PRDM16: variants seen among roughly 807,000 people sequenced by gnomAD.
PRDM16 encodes histone-lysine N-methyltransferase PRDM16.
PRDM16 carries 23 observed loss-of-function variants against 110.6 expected under a neutral mutation model. The observed-to-expected ratio is 0.21, with a 90% CI of 0.15 to 0.29. The LOEUF (loss-of-function observed/expected upper bound fraction) is 0.29. Among genes scored for constraint, PRDM16 ranks in the 10% least tolerant of loss-of-function variants. The probability of loss-of-function intolerance (pLI) is 1.00; values close to 1 mark genes in which losing one functional copy is unlikely to be tolerated. For synonymous variants in PRDM16, 799 were observed against 781.8 expected, an observed-to-expected ratio of 1.02 and a Z score of -0.37; for missense variants, 1,615 against 1,794.3, an observed-to-expected ratio of 0.90 and a Z score of 1.81.
At chr1:3,254,579 C>T (rs148271114) in intron 3 of PRDM16, among the ~76,000 whole-genome samples, 1,798 of 152,192 alleles carry the variant, frequency 0.012, 15 homozygotes, top group Middle Eastern at 0.031. Context: ...GAATAAAGTA[C>T]CTAGGAATCC....
chr1:3,154,716 C>T (rs1240718381), intron 1 of PRDM16, among the ~76,000 whole-genome samples: 1 of 152,114 alleles, frequency 6.6e-6, no homozygotes, highest in Non-Finnish European at 1.5e-5. Flanking sequence ...GGCATGGAGC[C>T]CTGGTTGAGA....
rs765866896 is a variant in PRDM16, at chr1:3,412,623, G to C, written c.2426G>C (p.Ser809Thr). ...EEQPLDLSIG[S>T]RARASQNGGG... is the part of the protein sequence containing the mutation. ...CAGCCGCTGGACCTGAGCATCGGCA[G>C]CCGGGCCCGTGCCAGCCAAAACGGC... Residue 809 changes from serine to threonine, a missense_variant, in exon 9 of 17, where the codon AGC becomes ACC. Transcript: ENST00000270722. The C allele has an allele frequency of 1.2e-4, 197 of 1,586,800 alleles. No individual in the cohort carries two copies. The highest frequency in any genetic ancestry group is 2.8e-4 in the Admixed American group (16 of 57,894).
At chr1:3,394,275 G>T (rs945091528) in intron 4 of PRDM16, among the ~76,000 whole-genome samples, 2 of 152,072 alleles carry the variant, frequency 1.3e-5, no homozygotes, top group Admixed American at 1.3e-4. Flanking sequence ...GTGGCCTGCA[G>T]AGAGGGGATG....
intron 10 of PRDM16, among the ~76,000 whole-genome samples, chr1:3,416,051 C>T (rs1031211281): frequency 3.9e-5 from 6 of 152,146 alleles, no homozygotes; most frequent in East Asian, 1.9e-4. Context: ...CTCGCAGGGG[C>T]GGGAGAAGCC....
intron 3 of PRDM16, among the ~76,000 whole-genome samples, chr1:3,282,827 C>T (rs1032443036): frequency 5.9e-5 from 9 of 152,154 alleles, no homozygotes; most frequent in African/African-American, 9.7e-5. Flanking sequence ...CGGAGGGGCA[C>T]GAGGGTGGTG....
At chr1:3,234,795 G>A (rs919874319) in intron 2 of PRDM16, among the ~76,000 whole-genome samples, 9 of 152,336 alleles carry the variant, frequency 5.9e-5, no homozygotes, top group Non-Finnish European at 1.2e-4. Context: ...AATGCCACGT[G>A]GGGTCTCCCT....
chr1:3,344,246 G>C (rs1325916174), intron 3 of PRDM16, among the ~76,000 whole-genome samples: 1 of 152,092 alleles, frequency 6.6e-6, no homozygotes, highest in East Asian at 1.9e-4. Flanking sequence ...GCTAAGATGG[G>C]AAGATGGTTT....
chr1:3,287,788 G>C (rs1169706076), intron 3 of PRDM16, among the ~76,000 whole-genome samples: 3 of 140,468 alleles, frequency 2.1e-5, no homozygotes, highest in African/African-American at 2.7e-5. Flanking sequence ...ACCGGGGCTG[G>C]AGCCGCCCCC....
chr1:3,236,051 C>T (rs945030754), intron 2 of PRDM16, among the ~76,000 whole-genome samples: 1 of 152,170 alleles, frequency 6.6e-6, no homozygotes, highest in African/African-American at 2.4e-5. Context: ...GATAGCATGG[C>T]GGGGGCAGTA....
rs566082105 is a variant in PRDM16, at chr1:3,257,027, T to A, written c.438+12890T>A. On this transcript the variant is annotated intron_variant, in intron 3 of 16. Transcript: ENST00000270722. The stretch of plus-strand genomic sequence containing the variant: ...TTGCTGAGATAATGGATGGTTTTTT[T>A]AAATGAACACCGATGGGGGTGTTTT... Among the ~76,000 whole-genome samples, 583 of 152,356 alleles carry A rather than the reference T, an allele frequency of 3.8e-3. 1 individual carries two copies. The highest frequency in any genetic ancestry group is 7.0e-3 in the Non-Finnish European group (475 of 68,034).
At chr1:3,167,464 C>T (rs1050471483) in intron 1 of PRDM16, among the ~76,000 whole-genome samples, 3 of 152,046 alleles carry the variant, frequency 2.0e-5, no homozygotes, top group Non-Finnish European at 4.4e-5. Flanking sequence ...CATTCGCGCT[C>T]ATGTGCAGCC....
At position 3,213,101 on chromosome 1, in the gene PRDM16, C is replaced by T. The variant is rs763927328; in HGVS notation, c.387+26627C>T. 1.2e-4 allele frequency among the ~76,000 whole-genome samples: 18 copies of T among 152,284 alleles called. No individual in the cohort carries two copies. The highest frequency in any genetic ancestry group is 2.2e-4 in the Non-Finnish European group (15 of 68,022). On this transcript the variant is annotated intron_variant, in intron 2 of 16. Coordinates refer to ENST00000270722, the MANE Select transcript of PRDM16 (RefSeq NM_022114.4). The surrounding 1 kb of genome is among the most constrained non-coding windows in gnomAD (Gnocchi z 5.3). ...CCGGGAGGCCGAGCTCAGGAAGACG[C>T]GGCAAATCCCATCCTATGTGCTTGC...
At chr1:3,232,231 G>A (rs186951716) in intron 2 of PRDM16, among the ~76,000 whole-genome samples, 2 of 152,370 alleles carry the variant, frequency 1.3e-5, no homozygotes, top group Admixed American at 1.3e-4. Flanking sequence ...ACCAGTTCAA[G>A]GGAGGCCAAA....
In PRDM16 at chr1:3,320,740, G is replaced by C. The variant is rs1236134915; in HGVS notation, c.439-64412G>C. Reference sequence around the variant, plus strand: ...AAGGCCAAGTTCTTTGATCTCCATCGATCTCCAGGCAGAGGTGACTCAGAG... The same window carrying C: ...AAGGCCAAGTTCTTTGATCTCCATCCATCTCCAGGCAGAGGTGACTCAGAG... On this transcript the variant is annotated intron_variant, in intron 3 of 16. Coordinates refer to ENST00000270722, the MANE Select transcript of PRDM16 (RefSeq NM_022114.4). 2.0e-5 allele frequency among the ~76,000 whole-genome samples: 3 copies of C among 152,174 alleles called. No individual in the cohort carries two copies. The East Asian group carries it at 5.8e-4, about 29-fold the overall frequency.
chr1:3,309,697 C>G (rs555730554), intron 3 of PRDM16: 1 of 152,302 alleles, frequency 6.6e-6, no homozygotes, highest in Non-Finnish European at 1.5e-5. Context: ...CCTGCAGGAC[C>G]AGCTCACCTT....
rs1403251538 is a variant in PRDM16, at chr1:3,402,933, TGGC to T, written c.822_824del (p.Gly276del). 2.5e-6 allele frequency: 4 copies of T among 1,612,556 alleles called. No individual in the cohort carries two copies. The highest frequency in any genetic ancestry group is 8.5e-7 in the Non-Finnish European group (1 of 1,179,952). ...CTGAGGAGCTCAAGCCCGAGGGCCT[TGGC>T]GGTGGCAGCGGCCAAGCCCACGAGT... is the stretch of plus-strand genomic sequence containing the variant. On this transcript the variant is annotated inframe_deletion, in exon 6 of 17. Transcript: ENST00000270722.
rs541738600 is a variant in PRDM16 at position 3,374,442 on chromosome 1, C to T, written c.439-10710C>T. Among the ~76,000 whole-genome samples the T allele has an allele frequency of 3.3e-5, 5 of 152,352 alleles. No homozygotes were observed. In the East Asian group the frequency reaches 5.8e-4, roughly 18 times the overall value. On this transcript the variant is annotated intron_variant, in intron 3 of 16. Transcript: ENST00000270722. ...AAACATACCTAAGCTACTCCCAACA[C>T]GTATGGCAGAGACGGAGGCTCCCTG...
rs182472105 is a variant in PRDM16 at position 3,363,984 on chromosome 1, C to T, written c.439-21168C>T. Among the ~76,000 whole-genome samples, 383 of 152,236 alleles carry T rather than the reference C, an allele frequency of 2.5e-3. 1 individual carries two copies. The highest frequency in any genetic ancestry group is 4.1e-3 in the Non-Finnish European group (277 of 68,006). On this transcript the variant is annotated intron_variant, in intron 3 of 16. Transcript: ENST00000270722. Reference sequence around the variant, plus strand: ...AGCGCCCCCCGCCCCCCGAGCCAGCCCGCTACGCACACCTTAGCCCTTCAT... The same window carrying T: ...AGCGCCCCCCGCCCCCCGAGCCAGCTCGCTACGCACACCTTAGCCCTTCAT...
At chr1:3,408,545 CAT>C (rs777962192) in intron 8 of PRDM16, among the ~76,000 whole-genome samples, 30 of 130,338 alleles carry the variant, frequency 2.3e-4, no homozygotes, top group African/African-American at 3.0e-4. Flanking sequence ...TGTGTGGACA[CAT>C]GAGCTGGTGC....
Sources: gnomAD v4.1 joint callset for allele counts (sites outside exome capture counted in the v4.1 genomes callset) on GRCh38, gnomAD v4.1.1 for gene constraint, Gnocchi (gnomAD v3.1) non-coding constraint, MANE v1.5 for transcripts, NCBI Gene and HGNC (gene_info 2026-07-23, HGNC 2026-07-21) for gene names.